The following SHQ1 variants were observed in gnomAD, a reference collection of about 807,000 sequenced individuals.
SHQ1 encodes the protein SHQ1, H/ACA ribonucleoprotein assembly factor.
A neutral mutation model predicts 53.8 loss-of-function variants in SHQ1; 49 were observed. The observed-to-expected ratio is 0.91, with a 90% CI of 0.72 to 1.16. The LOEUF is 1.16. Among genes scored for constraint, SHQ1 ranks in the 50% most tolerant of loss-of-function variants. SHQ1 has a pLI of 0.00. For synonymous variants in SHQ1, 243 were observed against 251.0 expected, an observed-to-expected ratio of 0.97 and a Z score of 0.30; for missense variants, 738 against 683.1, an observed-to-expected ratio of 1.08 and a Z score of -0.90.
intron 10 of SHQ1, among the ~76,000 whole-genome samples, chr3:72,755,498 AC>A (rs1228804928): frequency 6.6e-6 from 1 of 152,236 alleles, no homozygotes. Flanking sequence ...TAGGATAAAA[AC>A]TGATTAAAAT....
At chr3:72,792,784 CAAAAAAAAAAAAA>C (rs59948195) in intron 10 of SHQ1, 119 bp downstream of exon 10, 36 of 258,910 alleles carry the variant, frequency 1.4e-4, no homozygotes, top group East Asian at 2.2e-4. Context: ...ACCTCCATCT[CAAAAAAAAAAAAA>C]AAAAAAAAAA....
At chr3:72,841,540 G>T (rs1189819161) in intron 3 of SHQ1, among the ~76,000 whole-genome samples, 1 of 152,142 alleles carries the variant, frequency 6.6e-6, no homozygotes, top group South Asian at 2.1e-4. Context: ...GCAAAACAGA[G>T]GATAGTGGTT....
chr3:72,730,467 G>A, the SHQ1 span, among the ~76,000 whole-genome samples: 9 of 152,268 alleles, frequency 5.9e-5, no homozygotes, highest in East Asian at 1.7e-3. Flanking sequence ...TAGGTACACT[G>A]GATACTTGAT....
intron 10 of SHQ1, among the ~76,000 whole-genome samples, chr3:72,776,284 T>C (rs1024831899): frequency 1.1e-4 from 17 of 152,220 alleles, no homozygotes; most frequent in African/African-American, 3.9e-4. Context: ...CATAAGAGTA[T>C]AATACTCTGA....
intron 10 of SHQ1, among the ~76,000 whole-genome samples, chr3:72,756,322 G>C (rs1705496850): frequency 1.3e-5 from 2 of 152,068 alleles, no homozygotes; most frequent in Admixed American, 1.3e-4. Context: ...AGTCTGGAGT[G>C]TGGAGTGCAG....
intron 5 of SHQ1, among the ~76,000 whole-genome samples, chr3:72,826,620 G>A (rs1184036694): frequency 2.0e-5 from 3 of 152,168 alleles, no homozygotes; most frequent in Non-Finnish European, 4.4e-5. Context: ...CATATCAGCA[G>A]TACAGGATTC....
At chr3:72,818,549 A>T (rs1018697239) in intron 6 of SHQ1, among the ~76,000 whole-genome samples, 11 of 152,196 alleles carry the variant, frequency 7.2e-5, no homozygotes, top group Non-Finnish European at 1.6e-4. Flanking sequence ...CCCCCTGGCA[A>T]GAAATGTAAT....
chr3:72,825,439 A>C (rs1707622340), intron 5 of SHQ1, among the ~76,000 whole-genome samples: 1 of 151,862 alleles, frequency 6.6e-6, no homozygotes. Flanking sequence ...ACCAAGATAA[A>C]ATCTATTTTA....
intron 10 of SHQ1, among the ~76,000 whole-genome samples, chr3:72,779,904 T>A (rs1253408849): frequency 1.3e-5 from 2 of 152,132 alleles, no homozygotes; most frequent in African/African-American, 4.8e-5. Context: ...CAAAACTGTT[T>A]TCACACAAAC....
intron 5 of SHQ1, among the ~76,000 whole-genome samples, chr3:72,831,520 C>T (rs1324734680): frequency 1.3e-5 from 2 of 152,188 alleles, no homozygotes; most frequent in East Asian, 3.8e-4. Context: ...TTATAAGCTG[C>T]AGGTACTATA....
chr3:72,822,912 G>A (rs895777607), intron 6 of SHQ1, among the ~76,000 whole-genome samples: 1 of 152,128 alleles, frequency 6.6e-6, no homozygotes, highest in African/African-American at 2.4e-5. Context: ...CACTTTGGGA[G>A]GCCGAGGCTG....
intron 5 of SHQ1, among the ~76,000 whole-genome samples, chr3:72,827,829 A>G (rs1707706406): frequency 7.1e-6 from 1 of 140,626 alleles, no homozygotes; most frequent in African/African-American, 2.7e-5. Context: ...ATCTCGGCTC[A>G]CTGCAAGCTC....
At chr3:72,817,462 G>C in intron 6 of SHQ1, 78 bp from the exon 7 acceptor site, 2 of 1,341,990 alleles carry the variant, frequency 1.5e-6, no homozygotes, top group African/African-American at 1.5e-5. Flanking sequence ...GTCAAAATTA[G>C]AACTTTGATT....
At chr3:72,738,936 C>T in the SHQ1 span, among the ~76,000 whole-genome samples, 2 of 152,222 alleles carry the variant, frequency 1.3e-5, no homozygotes, top group Non-Finnish European at 2.9e-5. Flanking sequence ...GGAGCTACAC[C>T]CGCTAGTTCA....
At chr3:72,789,447 T>C (rs1176841516) in intron 10 of SHQ1, among the ~76,000 whole-genome samples, 2 of 152,120 alleles carry the variant, frequency 1.3e-5, no homozygotes, top group African/African-American at 2.4e-5. Context: ...AGCCAAAGGG[T>C]TGGATACCAT....
At chr3:72,808,105 T>C (rs1707009101) in intron 9 of SHQ1, among the ~76,000 whole-genome samples, 1 of 152,120 alleles carries the variant, frequency 6.6e-6, no homozygotes, top group East Asian at 1.9e-4. Flanking sequence ...TGTCCAAATA[T>C]TAATAGAAAT....
At chr3:72,777,435 A>T (rs1176269899) in intron 10 of SHQ1, among the ~76,000 whole-genome samples, 1 of 152,234 alleles carries the variant, frequency 6.6e-6, no homozygotes, top group Non-Finnish European at 1.5e-5. Context: ...TCATAAACAC[A>T]TGAAAAGATG....
At chr3:72,775,381 C>A (rs1016537815) in intron 10 of SHQ1, among the ~76,000 whole-genome samples, 1 of 150,480 alleles carries the variant, frequency 6.6e-6, no homozygotes, top group Non-Finnish European at 1.5e-5. Flanking sequence ...AAATAAAGAA[C>A]CGGAATAGTC....
chr3:72,823,073 C>T (rs574115688), intron 6 of SHQ1, among the ~76,000 whole-genome samples: 2 of 149,680 alleles, frequency 1.3e-5, no homozygotes, highest in South Asian at 2.1e-4. Flanking sequence ...GGCGTGAAAC[C>T]GGGAGGCAGA....
Sources: gnomAD v4.1 joint callset for allele counts (sites outside exome capture counted in the v4.1 genomes callset) on GRCh38, gnomAD v4.1.1 for gene constraint, MANE v1.5 for transcripts, NCBI Gene and HGNC (gene_info 2026-07-23, HGNC 2026-07-21) for gene names.